The following RAB2A variants were observed in gnomAD, a reference collection of about 807,000 sequenced individuals.
RAB2A encodes ras-related protein Rab-2A.
In RAB2A, 7 loss-of-function variants were observed where a neutral mutation model predicts 32.5. The ratio of observed to expected loss-of-function variants is 0.22; its 90% CI spans 0.12 to 0.40. The LOEUF is 0.40. Ranked by LOEUF, RAB2A falls within the 10% of genes least tolerant of loss-of-function variation. The probability of loss-of-function intolerance (pLI) is 1.00; values close to 1 mark genes in which losing one functional copy is unlikely to be tolerated. For missense variants in RAB2A, 108 were observed against 260.7 expected (o/e 0.41, Z 4.03); for synonymous variants, 79 against 85.2 (o/e 0.93, Z 0.40).
intron 2 of RAB2A, among the ~76,000 whole-genome samples, chr8:60,570,564 G>A (rs1056580784): frequency 6.6e-6 from 1 of 152,028 alleles, no homozygotes; most frequent in African/African-American, 2.4e-5. Flanking sequence ...GATACATTAT[G>A]AATCTATATG....
intron 5 of RAB2A, chr8:60,591,576 G>A: frequency 4.6e-6 from 1 of 218,576 alleles, no homozygotes; most frequent in Non-Finnish European, 9.2e-6. Flanking sequence ...TGTACTCAAA[G>A]ATATAAGGTA....
chr8:60,525,904 T>C (rs1807370331), intron 1 of RAB2A, among the ~76,000 whole-genome samples: 1 of 149,156 alleles, frequency 6.7e-6, no homozygotes, highest in East Asian at 1.9e-4. Context: ...TTTTTAGTTT[T>C]TTTAATGTAA....
intron 5 of RAB2A, among the ~76,000 whole-genome samples, chr8:60,588,521 T>G (rs753560664): frequency 1.3e-5 from 2 of 152,210 alleles, no homozygotes; most frequent in African/African-American, 4.8e-5. Flanking sequence ...GAACTATTGA[T>G]ACATGCAGCA....
chr8:60,586,108 C>T (rs188352529), intron 5 of RAB2A, among the ~76,000 whole-genome samples: 64 of 152,078 alleles, frequency 4.2e-4, no homozygotes, highest in African/African-American at 1.4e-3. Flanking sequence ...AAGATCAGCC[C>T]GGGCAACACA....
At position 60,552,001 on chromosome 8, in the gene RAB2A, G is replaced by GTTTTTTTTTTTTTTTTTTTTTT. The variant is rs78161048; in HGVS notation, c.47-6832_47-6831insTTTTTTTTTTTTTTTTTTTTTT. 1.2e-4 allele frequency: 13 copies of GTTTTTTTTTTTTTTTTTTTTTT among 109,740 alleles called. 1 individual carries two copies. The highest frequency in any genetic ancestry group is 4.0e-4 in the African/African-American group (11 of 27,580). 6.8% of individuals were successfully genotyped at this position (109,740 alleles called of 1,614,324 possible). On this transcript the variant is annotated intron_variant, in intron 1 of 7. Transcript: ENST00000262646. ...GCCTCAGCCTCTTGAGTAGCTGGGA[G>GTTTTTTTTTTTTTTTTTTTTTT]TTTTTTTTTTTTTTTTTTTAAGATG...
chr8:60,539,802 G>A (rs1352778287), intron 1 of RAB2A, among the ~76,000 whole-genome samples: 3 of 152,140 alleles, frequency 2.0e-5, no homozygotes, highest in Admixed American at 2.0e-4. Context: ...GTTCTGACAA[G>A]TAGAAATGGT....
intron 6 of RAB2A, among the ~76,000 whole-genome samples, chr8:60,593,732 A>T (rs942796046): frequency 1.3e-5 from 2 of 152,176 alleles, no homozygotes; most frequent in Non-Finnish European, 2.9e-5. Context: ...AAATTGAATG[A>T]AAAAAAGATA....
intron 3 of RAB2A, among the ~76,000 whole-genome samples, chr8:60,578,941 A>G (rs1220776984): frequency 3.3e-5 from 5 of 152,242 alleles, no homozygotes; most frequent in African/African-American, 1.2e-4. Flanking sequence ...AATATTAAGC[A>G]TCACTAAAAA....
At chr8:60,517,621 G>C (rs1026816344) in intron 1 of RAB2A, among the ~76,000 whole-genome samples, 4 of 152,080 alleles carry the variant, frequency 2.6e-5, no homozygotes, top group East Asian at 1.9e-4. Context: ...CGCGGCCCCA[G>C]GAAAAAGAAG....
At chr8:60,536,937 T>C (rs1387041138) in intron 1 of RAB2A, among the ~76,000 whole-genome samples, 1 of 152,222 alleles carries the variant, frequency 6.6e-6, no homozygotes, top group Non-Finnish European at 1.5e-5. Flanking sequence ...CAGTCAGATT[T>C]TTCCTTTCAT....
intron 1 of RAB2A, among the ~76,000 whole-genome samples, chr8:60,518,069 A>C (rs999230343): frequency 1.3e-5 from 2 of 152,160 alleles, no homozygotes; most frequent in African/African-American, 4.8e-5. Flanking sequence ...TTTTCAGGTG[A>C]GCTCATGTCC....
At chr8:60,577,339 C>T (rs557838221) in intron 3 of RAB2A, among the ~76,000 whole-genome samples, 6 of 152,266 alleles carry the variant, frequency 3.9e-5, no homozygotes, top group East Asian at 1.9e-4. Context: ...TGAGCCACTG[C>T]GCCCAGCTAA....
intron 6 of RAB2A, among the ~76,000 whole-genome samples, chr8:60,608,442 C>T (rs2150435859): frequency 6.6e-6 from 1 of 151,668 alleles, no homozygotes; most frequent in East Asian, 1.9e-4. Flanking sequence ...CTTTCTCTCT[C>T]TCTCTCTGTG....
intron 3 of RAB2A, chr8:60,576,161 G>C (rs1803620858): frequency 2.2e-6 from 1 of 454,288 alleles, no homozygotes. Context: ...ACTGACACTT[G>C]GCCCTTTACT....
chr8:60,578,881 A>G (rs1429387497), intron 3 of RAB2A, among the ~76,000 whole-genome samples: 2 of 152,224 alleles, frequency 1.3e-5, no homozygotes, highest in East Asian at 3.8e-4. Context: ...CAATCCTCAC[A>G]TGAAAGATGA....
At chr8:60,597,179 C>G (rs1011758107) in intron 6 of RAB2A, among the ~76,000 whole-genome samples, 3 of 152,096 alleles carry the variant, frequency 2.0e-5, no homozygotes, top group Non-Finnish European at 4.4e-5. Flanking sequence ...ATAGCAAAGA[C>G]TTGGAACCAA....
At chr8:60,608,287 G>T (rs531676991) in intron 6 of RAB2A, among the ~76,000 whole-genome samples, 5 of 152,020 alleles carry the variant, frequency 3.3e-5, no homozygotes, top group Non-Finnish European at 7.4e-5. Flanking sequence ...TGACTGTATA[G>T]GCGCCCAAAA....
At chr8:60,620,160 T>A (rs751192038) in intron 7 of RAB2A, among the ~76,000 whole-genome samples, 1 of 152,242 alleles carries the variant, frequency 6.6e-6, no homozygotes, top group Non-Finnish European at 1.5e-5. Context: ...AAGTGTGAGT[T>A]TGATGAATGA....
intron 1 of RAB2A, among the ~76,000 whole-genome samples, chr8:60,530,490 A>C (rs140786835): frequency 6.6e-6 from 1 of 151,820 alleles, no homozygotes; most frequent in East Asian, 2.0e-4. Flanking sequence ...GGGTCTTGCC[A>C]TGTTTCCCAG....
Sources: gnomAD v4.1 joint callset for allele counts (sites outside exome capture counted in the v4.1 genomes callset) on GRCh38, gnomAD v4.1.1 for gene constraint, MANE v1.5 for transcripts, NCBI Gene and HGNC (gene_info 2026-07-23, HGNC 2026-07-21) for gene names.